Variants in EPHA3 observed in about 807,000 individuals in gnomAD.
EPHA3 encodes the protein EPH receptor A3.
Under a neutral mutation model 107.1 loss-of-function variants are expected in EPHA3, and 42 were observed. That is an observed-to-expected ratio of 0.39 (90% CI 0.31 to 0.51). The LOEUF is 0.51. Ranked by LOEUF, EPHA3 falls within the 20% of genes least tolerant of loss-of-function variation. The pLI is 0.78. For synonymous variants in EPHA3, 461 were observed against 424.8 expected, an observed-to-expected ratio of 1.09 and a Z score of -1.05; for missense variants, 1,183 against 1,211.2, an observed-to-expected ratio of 0.98 and a Z score of 0.35.
chr3:89,190,169 T>G (rs985905646), intron 2 of EPHA3, among the ~76,000 whole-genome samples: 2 of 152,282 alleles, frequency 1.3e-5, no homozygotes, highest in South Asian at 4.1e-4. Flanking sequence ...GGCCACACTT[T>G]CCTTTACTTA....
chr3:89,230,261 G>T (rs898712071), intron 3 of EPHA3, among the ~76,000 whole-genome samples: 1 of 151,972 alleles, frequency 6.6e-6, no homozygotes, highest in Non-Finnish European at 1.5e-5. Context: ...AATTTTTCTG[G>T]GTGAAAATGG....
intron 1 of EPHA3, among the ~76,000 whole-genome samples, chr3:89,110,677 A>G (rs1032361058): frequency 6.6e-6 from 1 of 152,028 alleles, no homozygotes; most frequent in African/African-American, 2.4e-5. Flanking sequence ...ATGGGAGATC[A>G]GCTGTTTTTC....
chr3:89,466,417 C>A (rs1710276050), intron 15 of EPHA3, among the ~76,000 whole-genome samples: 2 of 115,540 alleles, frequency 1.7e-5, no homozygotes, highest in Non-Finnish European at 1.8e-5. Context: ...ATGGCGGGCG[C>A]CCCTCCCCCA....
chr3:89,324,155 CTTTTT>C (rs749957896), intron 3 of EPHA3, among the ~76,000 whole-genome samples: 2 of 118,984 alleles, frequency 1.7e-5, no homozygotes, highest in African/African-American at 6.2e-5. Flanking sequence ...AGATGTCAGT[CTTTTT>C]TTTTTTTTTT....
chr3:89,208,546 AAG>A (rs1236215608), intron 2 of EPHA3, among the ~76,000 whole-genome samples: 3 of 149,312 alleles, frequency 2.0e-5, no homozygotes, highest in Admixed American at 6.7e-5. Flanking sequence ...GAAAAAAAGA[AAG>A]AGAAAGAAAG....
intron 2 of EPHA3, among the ~76,000 whole-genome samples, chr3:89,156,112 T>C (rs554701893): frequency 1.3e-5 from 2 of 152,134 alleles, no homozygotes; most frequent in South Asian, 2.1e-4. Flanking sequence ...AGTTTGAGAG[T>C]GTTTTATGAA....
chr3:89,419,133 A>C, intron 10 of EPHA3, 72 bp from the exon 11 acceptor site: 1 of 1,409,836 alleles, frequency 7.1e-7, no homozygotes, highest in Non-Finnish European at 9.5e-7. Flanking sequence ...TTGAAATAAA[A>C]CAGTTGCTCT....
intron 3 of EPHA3, among the ~76,000 whole-genome samples, chr3:89,269,999 T>C (rs956887167): frequency 6.6e-6 from 1 of 151,856 alleles, no homozygotes. Flanking sequence ...TTGGGTTATC[T>C]TTAGAATAAC....
intron 2 of EPHA3, among the ~76,000 whole-genome samples, chr3:89,133,102 A>C (rs770881393): frequency 5.3e-5 from 8 of 152,200 alleles, no homozygotes; most frequent in African/African-American, 9.6e-5. Context: ...AGGTTCTCCC[A>C]TTTTAATTCA....
intron 5 of EPHA3, among the ~76,000 whole-genome samples, chr3:89,352,335 A>AT (rs1324664567): frequency 2.6e-5 from 4 of 151,284 alleles, no homozygotes; most frequent in Admixed American, 6.6e-5. Context: ...TTTTTAATTT[A>AT]TTTTTTGGCA....
At chr3:89,118,960 G>T (rs1707317194) in intron 1 of EPHA3, among the ~76,000 whole-genome samples, 1 of 151,932 alleles carries the variant, frequency 6.6e-6, no homozygotes, top group Non-Finnish European at 1.5e-5. Flanking sequence ...GAGAGACAGG[G>T]AGAATTTTTT....
At chr3:89,222,353 ATG>A (rs1376315523) in intron 3 of EPHA3, among the ~76,000 whole-genome samples, 3 of 139,768 alleles carry the variant, frequency 2.1e-5, no homozygotes, top group Non-Finnish European at 3.1e-5. Flanking sequence ...ATATATATAT[ATG>A]TATATGTATA....
At chr3:89,352,559 A>T (rs185109167) in intron 5 of EPHA3, among the ~76,000 whole-genome samples, 1 of 151,174 alleles carries the variant, frequency 6.6e-6, no homozygotes, top group Non-Finnish European at 1.5e-5. Context: ...AATAAACAAG[A>T]TATACTTAAA....
chr3:89,223,456 A>G (rs1704430324), intron 3 of EPHA3, among the ~76,000 whole-genome samples: 1 of 152,156 alleles, frequency 6.6e-6, no homozygotes, highest in African/African-American at 2.4e-5. Context: ...AAATTTAAAC[A>G]TTGTTCATAT....
At chr3:89,117,723 T>C (rs1444126957) in intron 1 of EPHA3, among the ~76,000 whole-genome samples, 2 of 152,062 alleles carry the variant, frequency 1.3e-5, no homozygotes, top group Non-Finnish European at 2.9e-5. Flanking sequence ...TTTTTTTGAA[T>C]TACAAACAGG....
At chr3:89,433,970 A>G (rs1197544489) in intron 13 of EPHA3, among the ~76,000 whole-genome samples, 1 of 152,122 alleles carries the variant, frequency 6.6e-6, no homozygotes. Context: ...AATGTATTTC[A>G]TTCTACTCAC....
chr3:89,335,661 T>C (rs1707376875), intron 3 of EPHA3, among the ~76,000 whole-genome samples: 1 of 152,156 alleles, frequency 6.6e-6, no homozygotes, highest in South Asian at 2.1e-4. Flanking sequence ...AATATATCAA[T>C]ATAATGTTAA....
intron 3 of EPHA3, among the ~76,000 whole-genome samples, chr3:89,264,381 T>C (rs1158315941): frequency 4.6e-5 from 7 of 152,096 alleles, no homozygotes; most frequent in African/African-American, 1.7e-4. Flanking sequence ...CCTCTGTGGC[T>C]TGATGTTCAG....
intron 1 of EPHA3, among the ~76,000 whole-genome samples, chr3:89,120,340 G>A (rs763010730): frequency 1.6e-4 from 24 of 152,168 alleles, no homozygotes; most frequent in East Asian, 1.2e-3. Context: ...CATTTTACTC[G>A]TCTGAATGAT....
Sources: allele counts gnomAD v4.1 joint callset (sites outside exome capture counted in the v4.1 genomes callset), GRCh38; gene constraint gnomAD v4.1.1; transcripts MANE v1.5; gene names NCBI Gene and HGNC (gene_info 2026-07-23, HGNC 2026-07-21).